The following SULT1B1 variants were observed in gnomAD, a reference collection of about 807,000 sequenced individuals.
SULT1B1 encodes the protein sulfotransferase family 1B member 1.
SULT1B1 carries 28 observed loss-of-function variants against 34.6 expected under a neutral mutation model. The ratio of observed to expected loss-of-function variants is 0.81; its 90% CI spans 0.60 to 1.11. The LOEUF is 1.11. Among genes scored for constraint, SULT1B1 ranks in the 50% least tolerant of loss-of-function variants. SULT1B1 has a pLI of 0.00. For missense variants in SULT1B1, 374 were observed against 352.2 expected (o/e 1.06, Z -0.50); for synonymous variants, 147 against 110.2 (o/e 1.33, Z -2.09).
At position 69,722,955 on chromosome 4, in the gene SULT1B1, G is replaced by A. The variant is rs1273573041; in HGVS notation, c.*4133C>T. 1 of 151,766 alleles carries A rather than the reference G, an allele frequency of 6.6e-6. No individual in the cohort carries two copies. The highest frequency in any genetic ancestry group is 1.5e-5 in the Non-Finnish European group (1 of 67,960). 9.4% of individuals were successfully genotyped at this position (151,766 alleles called of 1,614,324 possible). ...ACTTGGCACATGTGATATGATCTCAGGAAAAAGACTTTGCTGCACATGGGG... is the reference window on the plus strand; with the variant it reads ...ACTTGGCACATGTGATATGATCTCAAGAAAAAGACTTTGCTGCACATGGGG... On this transcript the variant is annotated 3_prime_UTR_variant, in exon 8 of 8. Coordinates refer to ENST00000310613, the MANE Select transcript of SULT1B1 (RefSeq NM_014465.4).
rs939367043 is a variant in SULT1B1, at chr4:69,725,659, G to C, written c.*1429C>G. The C allele has an allele frequency of 6.6e-6, 1 of 151,982 alleles. No homozygotes were observed. The allele number at this position is 151,982 out of a possible 1,614,324, so 9.4% of individuals were successfully genotyped here. Reference sequence around the variant, plus strand: ...ATGATAGACTGGATTAAGAAAATGTGGCACATATACACCATAGAATACTGT... The same window carrying C: ...ATGATAGACTGGATTAAGAAAATGTCGCACATATACACCATAGAATACTGT... On this transcript the variant is annotated 3_prime_UTR_variant, in exon 8 of 8. Coordinates refer to ENST00000310613, the MANE Select transcript of SULT1B1 (RefSeq NM_014465.4).
In SULT1B1 at chr4:69,730,707, A is replaced by G. The variant is rs920749390; in HGVS notation, c.598-26T>C. The G allele has an allele frequency of 1.3e-5, 21 of 1,586,600 alleles. No homozygotes were observed. The Admixed American group carries it at 1.9e-4, about 14-fold the overall frequency. On this transcript the variant is annotated intron_variant, in intron 6 of 7. Transcript: ENST00000310613. ...CTATTAGTGGGTAAAACCCAAGACAATAAACAAGTAACTCACACAATGTGA... is the reference window on the plus strand; with the variant it reads ...CTATTAGTGGGTAAAACCCAAGACAGTAAACAAGTAACTCACACAATGTGA...
intron 1 of SULT1B1, chr4:69,760,229 T>C: frequency 1.0e-6 from 1 of 984,986 alleles, no homozygotes; most frequent in African/African-American, 1.7e-5. Context: ...AAGACCTCCA[T>C]TCCTTGCATG....
At chr4:69,747,764 A>G (rs1050269733) in intron 4 of SULT1B1, among the ~76,000 whole-genome samples, 1 of 152,130 alleles carries the variant, frequency 6.6e-6, no homozygotes, top group Non-Finnish European at 1.5e-5. Context: ...CTGGAGGTCC[A>G]TGGTAAGAGT....
At chr4:69,728,704 GC>G (rs1363693985) in intron 7 of SULT1B1, among the ~76,000 whole-genome samples, 1 of 151,904 alleles carries the variant, frequency 6.6e-6, no homozygotes, top group East Asian at 1.9e-4. Flanking sequence ...GACTAATAAT[GC>G]TTTTTACTTC....
rs1717866603 is a variant in SULT1B1, at chr4:69,727,144, C to G, written c.835G>C (p.Ala279Pro). The part of the protein sequence containing the change: ...FTVAQNEKFD[A>P]IYETEMSKTA... ...TTGGACATTTCTGTCTCATAAATAG[C>G]ATCAAATTTCTCATTTTGGGCCACG... Residue 279 changes from alanine (A) to proline (P), a missense_variant, in exon 8 of 8, where the codon GCT becomes CCT. By Grantham distance (27) the Ala-to-Pro change is conservative (BLOSUM62 -1). Transcript: ENST00000310613. 6.2e-7 allele frequency: 1 copy of G among 1,611,592 alleles called. No individual in the cohort carries two copies. Among genetic ancestry groups the G allele is most frequent in the African/African-American group, 1.3e-5 (1 of 74,722 alleles).
chr4:69,731,450 G>C (rs980706180), intron 6 of SULT1B1, among the ~76,000 whole-genome samples: 2 of 152,174 alleles, frequency 1.3e-5, no homozygotes, highest in African/African-American at 4.8e-5. Context: ...AAAATGCTGG[G>C]AACATCTGTG....
chr4:69,743,667 T>C (rs1718638631), intron 4 of SULT1B1, among the ~76,000 whole-genome samples: 1 of 152,156 alleles, frequency 6.6e-6, no homozygotes, highest in Non-Finnish European at 1.5e-5. Context: ...CCCTCGGCTT[T>C]CCTCCTGTGT....
At chr4:69,743,272 C>T (rs1380206238) in intron 4 of SULT1B1, among the ~76,000 whole-genome samples, 1 of 152,150 alleles carries the variant, frequency 6.6e-6, no homozygotes, top group East Asian at 1.9e-4. Context: ...GCATGGTAGT[C>T]AGGGTTTCTG....
chr4:69,730,517 G>C lies in SULT1B1; in HGVS notation c.762C>G (p.Ser254=). 1 of 1,602,868 alleles carries C rather than the reference G, an allele frequency of 6.2e-7. No homozygotes were observed. The highest frequency in any genetic ancestry group is 8.5e-7 in the Non-Finnish European group (1 of 1,171,260). Reference sequence around the variant, plus strand: ...AGTATTTACCTTTACGCATAAAAGGGGATTTGCTATGATCCATCACTGTAG... The same window carrying C: ...AGTATTTACCTTTACGCATAAAAGGCGATTTGCTATGATCCATCACTGTAG... ...LPTTVMDHSK[S]PFMRKGTAGD... The change falls in exon 7 of 8, where the codon TCC becomes TCG. Residue 254 remains serine, a synonymous_variant. Transcript: ENST00000310613.
At chr4:69,751,606 C>T (rs1033272653) in intron 3 of SULT1B1, among the ~76,000 whole-genome samples, 4 of 152,162 alleles carry the variant, frequency 2.6e-5, no homozygotes, top group Admixed American at 6.5e-5. Context: ...CGCCCGCCAC[C>T]ACGCCCGGCT....
intron 4 of SULT1B1, among the ~76,000 whole-genome samples, chr4:69,746,385 G>A (rs534202548): frequency 3.3e-5 from 5 of 152,154 alleles, no homozygotes; most frequent in Non-Finnish European, 7.4e-5. Flanking sequence ...ATATTTCTTG[G>A]AGGTTTTGTT....
At chr4:69,756,816 C>A (rs1719208628) in intron 1 of SULT1B1, among the ~76,000 whole-genome samples, 1 of 152,086 alleles carries the variant, frequency 6.6e-6, no homozygotes, top group African/African-American at 2.4e-5. Context: ...AGGAAGAATT[C>A]CTCTTTACTT....
chr4:69,756,274 T>C (rs1463891469), intron 1 of SULT1B1, among the ~76,000 whole-genome samples: 1 of 151,444 alleles, frequency 6.6e-6, no homozygotes, highest in Non-Finnish European at 1.5e-5. Context: ...TTTCTCCTTG[T>C]TTACATGTCT....
chr4:69,722,344 T>C lies in SULT1B1; in HGVS notation c.*4744A>G, dbSNP rs2110012919. ...CTAATCTATTACACAGATTAGAGGA[T>C]AGTTTAGTGGTGTTTTTTCCCTCAG... is the stretch of plus-strand genomic sequence containing the variant. On this transcript the variant is annotated 3_prime_UTR_variant, in exon 8 of 8. Transcript: ENST00000310613. The C allele has an allele frequency of 6.6e-6, 1 of 152,208 alleles. No homozygotes were observed. Among genetic ancestry groups the C allele is most frequent in the Middle Eastern group, 3.4e-3 (1 of 294 alleles). 9.4% of individuals were successfully genotyped at this position (152,208 alleles called of 1,614,324 possible).
intron 2 of SULT1B1, 35 bp downstream of exon 2, chr4:69,755,035 G>T: frequency 6.4e-7 from 1 of 1,552,832 alleles, no homozygotes; most frequent in Non-Finnish European, 8.8e-7. Context: ...CAAAAAATGA[G>T]GTCGGACTTG....
Position 69,755,194 on chromosome 4 carries a change from C to T in SULT1B1, c.24G>A (p.Leu8=). The change falls in exon 2 of 8, where the codon CTG becomes CTA. Residue 8 remains leucine, a synonymous_variant. Transcript: ENST00000310613. ...CATGGACCAACTTCAGATCTTTTCG[C>T]AGAATATCTTTTGGGGAAAGCATTT... MLSPKDI[L]RKDLKLVHGY... is the part of the protein sequence containing the mutation. 2 of 1,613,668 alleles carry T rather than the reference C, an allele frequency of 1.2e-6. No individual in the cohort carries two copies. The highest frequency in any genetic ancestry group is 2.2e-5 in the East Asian group (1 of 44,858).
intron 7 of SULT1B1, 80 bp downstream of exon 7, chr4:69,730,421 G>A (rs1718027011): frequency 7.6e-7 from 1 of 1,309,522 alleles, no homozygotes; most frequent in South Asian, 1.6e-5. Context: ...AAACTTAGTA[G>A]AGATCACAGA....
rs1402508720 is a variant in SULT1B1 at position 69,725,594 on chromosome 4, C to T, written c.*1494G>A. ...CACGTATATTTATTGCGGCACTATT[C>T]ACAATAGCAAAGACTTGGAACCAAC... On this transcript the variant is annotated 3_prime_UTR_variant, in exon 8 of 8. Coordinates refer to ENST00000310613, the MANE Select transcript of SULT1B1 (RefSeq NM_014465.4). The T allele has an allele frequency of 6.6e-6, 1 of 152,060 alleles. No homozygotes were observed. Among genetic ancestry groups the T allele is most frequent in the Non-Finnish European group, 1.5e-5 (1 of 68,012 alleles). 9.4% of individuals were successfully genotyped at this position (152,060 alleles called of 1,614,324 possible).
Sources: gnomAD v4.1 joint callset for allele counts (sites outside exome capture counted in the v4.1 genomes callset) on GRCh38, gnomAD v4.1.1 for gene constraint, MANE v1.5 for transcripts, NCBI Gene and HGNC (gene_info 2026-07-23, HGNC 2026-07-21) for gene names.